The following DNAAF5 variants were observed in gnomAD, a reference collection of about 807,000 sequenced individuals.
DNAAF5 encodes the protein HEAT repeat containing 2.
A neutral mutation model predicts 75.8 loss-of-function variants in DNAAF5; 64 were observed. The ratio of observed to expected loss-of-function variants is 0.84; its 90% CI spans 0.69 to 1.04. The LOEUF (loss-of-function observed/expected upper bound fraction) is 1.04, where lower values mean the gene tolerates loss of function less well. Ranked by LOEUF, DNAAF5 falls within the 50% of genes least tolerant of loss-of-function variation. DNAAF5 has a pLI of 0.00. For synonymous variants in DNAAF5, 657 were observed against 557.2 expected, an observed-to-expected ratio of 1.18 and a Z score of -2.52; for missense variants, 1,269 against 1,178.5, an observed-to-expected ratio of 1.08 and a Z score of -1.12.
At chr7:763,747 C>A in intron 7 of DNAAF5, 59 bp from the exon 8 acceptor site, 1 of 1,566,490 alleles carries the variant, frequency 6.4e-7, no homozygotes, top group Non-Finnish European at 8.7e-7. Flanking sequence ...TCCCAGCAGG[C>A]AGGCAGGCTT....
intron 12 of DNAAF5, among the ~76,000 whole-genome samples, chr7:783,950 C>G (rs1731735211): frequency 6.6e-6 from 1 of 152,114 alleles, no homozygotes; most frequent in South Asian, 2.1e-4. Flanking sequence ...TCTCCCTTCC[C>G]CACTGCACGG....
chr7:746,185 T>C (rs1466689250), intron 4 of DNAAF5, among the ~76,000 whole-genome samples: 4 of 152,148 alleles, frequency 2.6e-5, no homozygotes, highest in African/African-American at 9.7e-5. Flanking sequence ...GCACTGGCCC[T>C]GTATTGCCAA....
At chr7:733,304 A>C (rs1216385837) in intron 2 of DNAAF5, among the ~76,000 whole-genome samples, 1 of 152,022 alleles carries the variant, frequency 6.6e-6, no homozygotes, top group Non-Finnish European at 1.5e-5. Context: ...GTTCCATATA[A>C]ATTTAGGATT....
chr7:727,829 AC>A (rs1439133276), intron 1 of DNAAF5, among the ~76,000 whole-genome samples: 47 of 104,936 alleles, frequency 4.5e-4, no homozygotes, highest in Non-Finnish European at 1.4e-4. Flanking sequence ...AGCCCCCTCC[AC>A]CCCACCCGGG....
intron 3 of DNAAF5, 57 bp downstream of exon 3, chr7:741,000 G>A: frequency 1.3e-6 from 2 of 1,587,492 alleles, no homozygotes; most frequent in Non-Finnish European, 1.7e-6. Context: ...TGTAGCAGTG[G>A]TGGTTTCTCT....
chr7:748,470 G>A (rs1042359415), intron 4 of DNAAF5, among the ~76,000 whole-genome samples: 1 of 152,208 alleles, frequency 6.6e-6, no homozygotes, highest in Non-Finnish European at 1.5e-5. Context: ...ATCGAGTTCT[G>A]TGTTTCTGAG....
chr7:754,908 A>T lies in DNAAF5; in HGVS notation c.1257+87A>T, dbSNP rs1782436561. ...TGTGGTGTGCGGGGCCCGAGGCTGT[A>T]CTGTAGCCAAGACAGCGTTCCCCTC... On this transcript the variant is annotated intron_variant, in intron 5 of 12. Transcript: ENST00000297440. The surrounding 1 kb of genome is among the most constrained non-coding windows in gnomAD (Gnocchi z 4.8). 1.9e-6 allele frequency: 2 copies of T among 1,039,072 alleles called. No individual in the cohort carries two copies. The highest frequency in any genetic ancestry group is 2.8e-6 in the Non-Finnish European group (2 of 717,074). The allele number at this position is 1,039,072 out of a possible 1,614,324, so 64.4% of individuals were successfully genotyped here. A position where few individuals can be genotyped will look rare whatever the true frequency, so the allele number is the denominator to read the frequency against.
At chr7:756,736 G>C (rs1782496609) in intron 5 of DNAAF5, 46 bp from the exon 6 acceptor site, 3 of 1,585,898 alleles carry the variant, frequency 1.9e-6, no homozygotes, top group African/African-American at 1.3e-5. Context: ...GCCCGGCTGA[G>C]ACCCTCGGGT....
chr7:752,325 C>T (rs190463899), intron 4 of DNAAF5, among the ~76,000 whole-genome samples: 11 of 152,084 alleles, frequency 7.2e-5, no homozygotes, highest in African/African-American at 2.6e-4. Context: ...GGCCACACTT[C>T]GTGGGATACG....
chr7:774,910 C>T (rs371723696), intron 10 of DNAAF5, 96 bp from the exon 11 acceptor site: 1 of 1,070,744 alleles, frequency 9.3e-7, no homozygotes, highest in African/African-American at 1.6e-5. Context: ...TTTCAAGCCC[C>T]CTAAGTCCTT....
At chr7:730,395 CTG>C (rs1781527906) in intron 2 of DNAAF5, among the ~76,000 whole-genome samples, 1 of 152,198 alleles carries the variant, frequency 6.6e-6, no homozygotes, top group South Asian at 2.1e-4. Flanking sequence ...ATGCTACACA[CTG>C]TGGCCACCGG....
rs1281030167 is a variant in DNAAF5 at position 774,195 on chromosome 7, G to C, written c.2079G>C (p.Glu693Asp). 1.2e-6 allele frequency: 2 copies of C among 1,605,366 alleles called. No individual in the cohort carries two copies. Among genetic ancestry groups the C allele is most frequent in the African/African-American group, 1.3e-5 (1 of 74,892 alleles). The change falls in exon 10 of 13, where the codon GAG becomes GAC. Residue 693 changes from glutamate to aspartate, a missense_variant. Physicochemically the swap from Glu to Asp is conservative, Grantham distance 45. Transcript: ENST00000297440. Reference sequence around the variant, plus strand: ...CCAGCAGCGAGGTCCTGTCGGCAGAGCAGGTACGGGGCTCCCTGCGTGCTC... The same window carrying C: ...CCAGCAGCGAGGTCCTGTCGGCAGACCAGGTACGGGGCTCCCTGCGTGCTC... The part of the protein sequence containing the change: ...ALTSSEVLSA[E>D]QIRDVQETLM...
Position 785,621 on chromosome 7 carries a change from C to T in DNAAF5, c.2536C>T (p.Gln846Ter), listed in dbSNP as rs1583532117. 25 of 1,613,116 alleles carry T rather than the reference C, an allele frequency of 1.5e-5. No individual in the cohort carries two copies. The highest frequency in any genetic ancestry group is 2.2e-5 in the East Asian group (1 of 44,890). ...RSATYCEQLL[Q>*]HVQAVPATQ is the part of the protein sequence containing the mutation. ...GGCCACCTACTGCGAGCAGCTCCTG[C>T]AGCATGTGCAGGCCGTGCCAGCCAC... Residue 846 changes from glutamine (Q) to a stop codon, truncating the protein, a stop_gained, in exon 13 of 13, where the codon CAG (glutamine) becomes TAG (stop). Coordinates refer to ENST00000297440, the MANE Select transcript of DNAAF5 (RefSeq NM_017802.4). LOFTEE classifies it high-confidence loss of function.
chr7:726,836 A>T lies in DNAAF5; in HGVS notation c.116A>T (p.Glu39Val). The T allele has an allele frequency of 7.5e-7, 1 of 1,327,962 alleles. No individual in the cohort carries two copies. Among genetic ancestry groups the T allele is most frequent in the Non-Finnish European group, 9.6e-7 (1 of 1,041,652 alleles). The allele number at this position is 1,327,962 out of a possible 1,614,324, so 82.3% of individuals were successfully genotyped here. ...CTGAGCCGCCTGCTGCCGGGGCTGGAGGCCGACAGCAAGCCGGGCCGGCGG... is the reference window on the plus strand; with the variant it reads ...CTGAGCCGCCTGCTGCCGGGGCTGGTGGCCGACAGCAAGCCGGGCCGGCGG... ...RALSRLLPGL[E>V]ADSKPGRRRA... The change falls in exon 1 of 13, where the codon GAG becomes GTG. Residue 39 changes from glutamate to valine, a missense_variant. Glu to Val is a moderately radical substitution (Grantham distance 121). Coordinates refer to ENST00000297440, the MANE Select transcript of DNAAF5 (RefSeq NM_017802.4).
intron 4 of DNAAF5, among the ~76,000 whole-genome samples, chr7:749,939 T>G (rs949096639): frequency 1.3e-5 from 2 of 152,188 alleles, no homozygotes; most frequent in African/African-American, 4.8e-5. Flanking sequence ...CCTCAGGTGA[T>G]CCACCCGCCT....
At chr7:735,758 G>T (rs35226106) in intron 2 of DNAAF5, among the ~76,000 whole-genome samples, 72,945 of 151,794 alleles carry the variant, frequency 0.48, 17,644 homozygotes, top group African/African-American at 0.5. Context: ...TTGGTCTTTT[G>T]TATTTTTTTT....
intron 12 of DNAAF5, 70 bp from the exon 13 acceptor site, chr7:785,447 A>G (rs972366498): frequency 7.6e-6 from 12 of 1,568,958 alleles, no homozygotes; most frequent in African/African-American, 2.7e-5. Flanking sequence ...TACAAAGCCA[A>G]TTTGCACGAG....
In DNAAF5 at chr7:727,084, G is replaced by T. The variant is rs1230489001; in HGVS notation, c.364G>T (p.Ala122Ser). 9.6e-7 allele frequency: 1 copy of T among 1,047,032 alleles called. No individual in the cohort carries two copies. Among genetic ancestry groups the T allele is most frequent in the Admixed American group, 5.6e-5 (1 of 17,852 alleles). The allele number at this position is 1,047,032 out of a possible 1,614,324, so 64.9% of individuals were successfully genotyped here. ...DALPRLLPAL[A>S]ARLAGPVPAR... ...CCTGCCGCGCCTGCTGCCCGCGCTC[G>T]CCGCGCGCTTGGCCGGCCCCGTGCC... The change falls in exon 1 of 13, where the codon GCC becomes TCC. Residue 122 changes from alanine to serine, a missense_variant. Ala to Ser is a moderately conservative substitution (Grantham distance 99, BLOSUM62 1). Transcript: ENST00000297440.
intron 1 of DNAAF5, 128 bp downstream of exon 1, chr7:727,443 C>T (rs1583468850): frequency 2.6e-6 from 1 of 381,770 alleles, no homozygotes. Flanking sequence ...CCCCAACATC[C>T]CGGACCCCCC....
Sources: allele counts gnomAD v4.1 joint callset (sites outside exome capture counted in the v4.1 genomes callset), GRCh38; gene constraint gnomAD v4.1.1; non-coding constraint Gnocchi (gnomAD v3.1); transcripts MANE v1.5; gene names NCBI Gene and HGNC (gene_info 2026-07-23, HGNC 2026-07-21).